CDH4: variants seen among roughly 807,000 people sequenced by gnomAD.
The protein encoded by CDH4 is cadherin 4.
A neutral mutation model predicts 86.0 loss-of-function variants in CDH4; 33 were observed. The observed-to-expected ratio is 0.38, with a 90% CI of 0.29 to 0.51. CDH4 has a LOEUF of 0.51. CDH4 is among the 20% of genes least tolerant of loss of function. The pLI, the probability that CDH4 is intolerant of heterozygous loss-of-function variation, is 0.86. For missense variants in CDH4, 1,114 were observed against 1,307.4 expected (o/e 0.85, Z 2.28); for synonymous variants, 555 against 549.4 (o/e 1.01, Z -0.14).
intron 2 of CDH4, among the ~76,000 whole-genome samples, chr20:61,725,559 C>T (rs1181792671): frequency 7.9e-5 from 12 of 152,160 alleles, no homozygotes; most frequent in Non-Finnish European, 1.2e-4. Context: ...TGACTCCCTC[C>T]AGTCTGAATG....
intron 6 of CDH4, among the ~76,000 whole-genome samples, chr20:61,853,101 G>A (rs1264235356): frequency 6.6e-6 from 1 of 152,186 alleles, no homozygotes; most frequent in Admixed American, 6.5e-5. Flanking sequence ...CAGACCACAG[G>A]TGAGAAGCGA....
chr20:61,664,480 C>A (rs2087299850), intron 2 of CDH4, among the ~76,000 whole-genome samples: 1 of 152,216 alleles, frequency 6.6e-6, no homozygotes, highest in Non-Finnish European at 1.5e-5. Flanking sequence ...CCTTGAAGAT[C>A]TCCGAAAATG....
At chr20:61,424,982 A>T (rs980620685) in intron 2 of CDH4, among the ~76,000 whole-genome samples, 1 of 152,234 alleles carries the variant, frequency 6.6e-6, no homozygotes, top group Non-Finnish European at 1.5e-5. Flanking sequence ...TGTGGGCCTC[A>T]CGCAGAGGAG....
intron 4 of CDH4, among the ~76,000 whole-genome samples, chr20:61,812,244 G>A (rs529328217): frequency 5.1e-4 from 77 of 152,248 alleles, no homozygotes; most frequent in African/African-American, 1.6e-3. Flanking sequence ...AAGGGAGGGC[G>A]TGGTTGCAGC....
intron 2 of CDH4, among the ~76,000 whole-genome samples, chr20:61,320,680 C>A (rs2084503065): frequency 6.6e-6 from 1 of 151,914 alleles, no homozygotes; most frequent in African/African-American, 2.4e-5. Flanking sequence ...AGCAGAGAAC[C>A]CTTCAGCCCC....
intron 3 of CDH4, among the ~76,000 whole-genome samples, chr20:61,758,580 C>T (rs993204838): frequency 2.0e-5 from 3 of 152,156 alleles, no homozygotes; most frequent in Non-Finnish European, 4.4e-5. Context: ...GTCTCTGATC[C>T]GTCTGCAAAA....
intron 4 of CDH4, among the ~76,000 whole-genome samples, chr20:61,789,101 C>T (rs926469225): frequency 5.3e-5 from 8 of 152,180 alleles, no homozygotes; most frequent in African/African-American, 1.9e-4. Context: ...GTTGGTCAGG[C>T]ACCAGGGCTC....
At chr20:61,531,343 G>A (rs573356209) in intron 2 of CDH4, among the ~76,000 whole-genome samples, 1 of 152,060 alleles carries the variant, frequency 6.6e-6, no homozygotes, top group Non-Finnish European at 1.5e-5. Flanking sequence ...ATGGTGGTGG[G>A]TGCCTGTAAT....
intron 6 of CDH4, 119 bp downstream of exon 6, chr20:61,853,017 G>T: frequency 9.5e-7 from 1 of 1,052,784 alleles, no homozygotes. Context: ...ACGGGACTTG[G>T]GCGCAGACAC....
intron 2 of CDH4, among the ~76,000 whole-genome samples, chr20:61,367,039 C>G (rs1340547986): frequency 6.6e-6 from 1 of 152,170 alleles, no homozygotes. Context: ...CCCCACCCAC[C>G]CCATTGCTGA....
chr20:61,869,975 G>A (rs1269028118), intron 6 of CDH4, among the ~76,000 whole-genome samples: 1 of 152,240 alleles, frequency 6.6e-6, no homozygotes, highest in Admixed American at 6.5e-5. Context: ...GGGGACCTCT[G>A]TGGTGGGAGG....
chr20:61,934,378 G>C (rs574754965), intron 15 of CDH4, among the ~76,000 whole-genome samples, 158 bp downstream of exon 15: 1 of 152,222 alleles, frequency 6.6e-6, no homozygotes, highest in Admixed American at 6.5e-5. Context: ...CCCCTCCAGC[G>C]GGGTGGCCTG....
intron 10 of CDH4, among the ~76,000 whole-genome samples, 154 bp downstream of exon 10, chr20:61,923,858 C>T (rs1337205050): frequency 2.0e-5 from 3 of 152,192 alleles, no homozygotes; most frequent in Non-Finnish European, 4.4e-5. Flanking sequence ...AGGAGGGAGC[C>T]GCAGCCCCTT....
In CDH4 at chr20:61,816,832, T is replaced by TGAGCTCGCCCGCATCCCC. The variant is rs1436135124; in HGVS notation, c.577-27835_577-27818dup. Reference sequence around the variant, plus strand: ...GGACACTCCCATCAGCAGGCAGCCCTGAGCTCGCCCGCATCCCCATCCCCC... The same window carrying TGAGCTCGCCCGCATCCCC: ...GGACACTCCCATCAGCAGGCAGCCCTGAGCTCGCCCGCATCCCCGAGCTCGCCCGCATCCCCATCCCCC... On this transcript the variant is annotated intron_variant, in intron 4 of 15. Coordinates refer to ENST00000614565, the MANE Select transcript of CDH4 (RefSeq NM_001794.5). Among the ~76,000 whole-genome samples the TGAGCTCGCCCGCATCCCC allele has an allele frequency of 1.3e-4, 20 of 152,316 alleles. No homozygotes were observed. In the South Asian group the frequency reaches 3.3e-3, roughly 25 times the overall value.
intron 2 of CDH4, among the ~76,000 whole-genome samples, chr20:61,741,298 G>A (rs565429016): frequency 4.6e-5 from 7 of 152,262 alleles, no homozygotes; most frequent in South Asian, 2.1e-4. Flanking sequence ...AGCCACCCAC[G>A]GAGCTGCCTT....
chr20:61,735,646 C>T (rs923837894), intron 2 of CDH4, among the ~76,000 whole-genome samples: 42 of 152,244 alleles, frequency 2.8e-4, no homozygotes, highest in Admixed American at 2.5e-3. Context: ...TCCGCTGGAC[C>T]CCGTGCTCCC....
At chr20:61,668,647 G>T (rs558864169) in intron 2 of CDH4, among the ~76,000 whole-genome samples, 9 of 152,214 alleles carry the variant, frequency 5.9e-5, no homozygotes, top group Non-Finnish European at 1.3e-4. Flanking sequence ...GGGTCAGAGA[G>T]GTGAAATGGC....
intron 2 of CDH4, among the ~76,000 whole-genome samples, chr20:61,649,713 G>A (rs1436328906): frequency 6.6e-6 from 1 of 152,212 alleles, no homozygotes; most frequent in African/African-American, 2.4e-5. Flanking sequence ...GCAGCTTGCA[G>A]GAAGCGTTTG....
intron 6 of CDH4, among the ~76,000 whole-genome samples, chr20:61,858,409 C>T (rs1057451579): frequency 1.3e-5 from 2 of 149,062 alleles, no homozygotes; most frequent in South Asian, 2.1e-4. Flanking sequence ...GTCTGTGTGT[C>T]TGCGTCTGTG....
Sources: allele counts gnomAD v4.1 joint callset (sites outside exome capture counted in the v4.1 genomes callset), GRCh38; gene constraint gnomAD v4.1.1; transcripts MANE v1.5; gene names NCBI Gene and HGNC (gene_info 2026-07-23, HGNC 2026-07-21).